The following SVOP variants were observed in gnomAD, a reference collection of about 807,000 sequenced individuals.
SVOP encodes synaptic vesicle 2-related protein.
A neutral mutation model predicts 69.1 loss-of-function variants in SVOP; 17 were observed. The ratio of observed to expected loss-of-function variants is 0.25; its 90% CI spans 0.17 to 0.37. The LOEUF is 0.37. SVOP is among the 10% of genes least tolerant of loss of function. The pLI, the probability that SVOP is intolerant of heterozygous loss-of-function variation, is 1.00. For missense variants in SVOP, 435 were observed against 597.5 expected, an observed-to-expected ratio of 0.73 and a Z score of 2.84; for synonymous variants, 238 against 238.6, an observed-to-expected ratio of 1.00 and a Z score of 0.02.
chr12:108,992,738 T>C (rs2040209244), intron 1 of SVOP, among the ~76,000 whole-genome samples: 1 of 152,040 alleles, frequency 6.6e-6, no homozygotes, highest in South Asian at 2.1e-4. Flanking sequence ...GGCTAGGGGA[T>C]TGCCAGGGAA....
intron 14 of SVOP, among the ~76,000 whole-genome samples, 185 bp downstream of exon 14, chr12:108,917,858 C>T (rs1210890371): frequency 6.6e-6 from 1 of 151,970 alleles, no homozygotes; most frequent in African/African-American, 2.4e-5. Flanking sequence ...GTTGCTCAGG[C>T]TGGTCTCAAA....
intron 11 of SVOP, among the ~76,000 whole-genome samples, chr12:108,931,280 G>A (rs574781358): frequency 1.0e-3 from 157 of 152,256 alleles, no homozygotes; most frequent in African/African-American, 3.7e-3. Flanking sequence ...GGCAAACCCC[G>A]AACACAAGCA....
chr12:108,931,291 G>T (rs2039816925), intron 11 of SVOP, among the ~76,000 whole-genome samples: 1 of 152,184 alleles, frequency 6.6e-6, no homozygotes, highest in African/African-American at 2.4e-5. Context: ...AACACAAGCA[G>T]GAACTTGATT....
intron 1 of SVOP, among the ~76,000 whole-genome samples, chr12:109,012,253 A>G (rs970129176): frequency 6.6e-6 from 1 of 152,114 alleles, no homozygotes; most frequent in African/African-American, 2.4e-5. Context: ...ACTGCACTCC[A>G]GCCTGAGCAA....
intron 4 of SVOP, among the ~76,000 whole-genome samples, chr12:108,976,664 G>A (rs147884082): frequency 9.3e-4 from 140 of 150,396 alleles, no homozygotes; most frequent in Non-Finnish European, 1.6e-3. Context: ...CACCCAGGCC[G>A]GAGTGCAATG....
intron 6 of SVOP, among the ~76,000 whole-genome samples, chr12:108,957,773 G>A (rs895980377): frequency 2.2e-4 from 33 of 152,220 alleles, no homozygotes; most frequent in Non-Finnish European, 4.6e-4. Context: ...CACCCACCCA[G>A]GTAAACCGTC....
chr12:108,984,085 T>G (rs1444217789), intron 1 of SVOP, among the ~76,000 whole-genome samples: 2 of 152,218 alleles, frequency 1.3e-5, no homozygotes, highest in Non-Finnish European at 2.9e-5. Context: ...TGTTTCAGAT[T>G]TTAGACTCAT....
At chr12:108,959,548 T>C (rs995883931) in intron 6 of SVOP, among the ~76,000 whole-genome samples, 3 of 151,970 alleles carry the variant, frequency 2.0e-5, no homozygotes, top group African/African-American at 7.3e-5. Flanking sequence ...GAGATGGGGT[T>C]TCACCATGTT....
Position 108,991,786 on chromosome 12 carries a change from A to AAC in SVOP, c.36-8026_36-8025insGT, listed in dbSNP as rs780764396. Among the ~76,000 whole-genome samples the AAC allele has an allele frequency of 1.4e-3, 206 of 150,544 alleles. 1 individual carries two copies. The highest frequency in any genetic ancestry group is 6.3e-3 in the East Asian group (32 of 5,100). ...GACCCCATCTCTACAAAAAAAAACA[A>AAC]AAAAAAAAGATTAGCCAGGCATGGT... On this transcript the variant is annotated intron_variant, in intron 1 of 15. Coordinates refer to ENST00000610966, the MANE Select transcript of SVOP (RefSeq NM_018711.5).
At position 108,912,329 on chromosome 12, in the gene SVOP, G is replaced by A. The variant is rs2039689311; in HGVS notation, c.*206C>T. 1 of 1,434,814 alleles carries A rather than the reference G, an allele frequency of 7.0e-7. No individual in the cohort carries two copies. The highest frequency in any genetic ancestry group is 9.1e-7 in the Non-Finnish European group (1 of 1,098,924). 88.9% of individuals were successfully genotyped at this position (1,434,814 alleles called of 1,614,324 possible). A position where few individuals can be genotyped will look rare whatever the true frequency, so the allele number is the denominator to read the frequency against. On this transcript the variant is annotated 3_prime_UTR_variant, in exon 16 of 16. Coordinates refer to ENST00000610966, the MANE Select transcript of SVOP (RefSeq NM_018711.5). Reference sequence around the variant, plus strand: ...ACAAAGCTTTCACCACATATACAGAGAACCCCCTAGAGCAAACATCTCCCC... The same window carrying A: ...ACAAAGCTTTCACCACATATACAGAAAACCCCCTAGAGCAAACATCTCCCC...
At chr12:108,967,503 A>T (rs2040052685) in intron 5 of SVOP, among the ~76,000 whole-genome samples, 4 of 150,686 alleles carry the variant, frequency 2.7e-5, no homozygotes, top group Non-Finnish European at 5.9e-5. Flanking sequence ...TGTCTCAATT[A>T]AAAAAAAAGG....
At chr12:108,951,622 T>A (rs973326285) in intron 6 of SVOP, among the ~76,000 whole-genome samples, 7 of 151,908 alleles carry the variant, frequency 4.6e-5, no homozygotes, top group African/African-American at 1.7e-4. Context: ...AGAAAACTGT[T>A]AAGAACCACC....
chr12:108,937,092 G>T, intron 10 of SVOP, 172 bp downstream of exon 10: 1 of 666,740 alleles, frequency 1.5e-6, no homozygotes. Flanking sequence ...ATGATAGTAC[G>T]TACAGATGAT....
intron 6 of SVOP, among the ~76,000 whole-genome samples, chr12:108,948,014 C>G (rs995215350): frequency 6.6e-6 from 1 of 152,134 alleles, no homozygotes; most frequent in African/African-American, 2.4e-5. Flanking sequence ...TCTTGAGCAA[C>G]TGAAGCTGCA....
chr12:108,961,009 G>A lies in SVOP; in HGVS notation c.492C>T (p.Gly164=). 6.5e-7 allele frequency: 1 copy of A among 1,537,130 alleles called. No individual in the cohort carries two copies. The highest frequency in any genetic ancestry group is 8.7e-7 in the Non-Finnish European group (1 of 1,146,822). The change falls in exon 6 of 16, where the codon GGC becomes GGT. Residue 164 remains glycine (G), a synonymous_variant. Transcript: ENST00000610966. ...ACACGGGCGCAAATGCACTAAGGATGCCATAGTACAGAGTCCACAGCACGC... is the reference window on the plus strand; with the variant it reads ...ACACGGGCGCAAATGCACTAAGGATACCATAGTACAGAGTCCACAGCACGC... ...KISVLWTLYY[G]ILSAFAPVYS...
intron 7 of SVOP, among the ~76,000 whole-genome samples, chr12:108,943,785 C>T (rs1026267102): frequency 2.0e-5 from 3 of 151,544 alleles, no homozygotes; most frequent in Admixed American, 6.6e-5. Context: ...TTCTTCTTCT[C>T]CTTCTTCTTC....
intron 15 of SVOP, among the ~76,000 whole-genome samples, chr12:108,915,425 T>C (rs963929871): frequency 6.6e-6 from 1 of 152,178 alleles, no homozygotes; most frequent in African/African-American, 2.4e-5. Flanking sequence ...CCAGAGAACA[T>C]GCAGTATTTG....
At chr12:108,942,144 G>A (rs2039895127) in intron 7 of SVOP, among the ~76,000 whole-genome samples, 1 of 152,226 alleles carries the variant, frequency 6.6e-6, no homozygotes, top group Non-Finnish European at 1.5e-5. Flanking sequence ...ATGTCCTCAA[G>A]ATTCATCTGC....
chr12:108,987,799 C>A (rs145514561), intron 1 of SVOP, among the ~76,000 whole-genome samples: 17 of 152,094 alleles, frequency 1.1e-4, no homozygotes, highest in Admixed American at 8.5e-4. Flanking sequence ...TTGTTGTTGA[C>A]TTGTACTTCT....
Sources: allele counts gnomAD v4.1 joint callset (sites outside exome capture counted in the v4.1 genomes callset), GRCh38; gene constraint gnomAD v4.1.1; transcripts MANE v1.5; gene names NCBI Gene and HGNC (gene_info 2026-07-23, HGNC 2026-07-21).